Variants in KICS2 observed in about 807,000 individuals in gnomAD.
KICS2 encodes KICSTOR complex protein C12orf66.
Under a neutral mutation model 31.4 loss-of-function variants are expected in KICS2, and 13 were observed. The observed-to-expected ratio is 0.41, with a 90% CI of 0.27 to 0.66. The LOEUF is 0.66. KICS2 is among the 30% of genes least tolerant of loss of function. KICS2 has a pLI of 0.28. For missense variants in KICS2, 455 were observed against 545.4 expected (o/e 0.83, Z 1.65); for synonymous variants, 209 against 214.8 (o/e 0.97, Z 0.24).
intron 1 of KICS2, chr12:64,221,745 A>G (rs1326281800): frequency 1.8e-6 from 1 of 566,580 alleles, no homozygotes; most frequent in Non-Finnish European, 3.1e-6. Flanking sequence ...ACGAGGCAAA[A>G]GGGCAAACCC....
intron 1 of KICS2, among the ~76,000 whole-genome samples, chr12:64,216,895 A>C (rs2037634291): frequency 6.6e-6 from 1 of 151,970 alleles, no homozygotes; most frequent in Non-Finnish European, 1.5e-5. Flanking sequence ...GAAAATGAAA[A>C]GAAAAAAAGA....
intron 1 of KICS2, among the ~76,000 whole-genome samples, chr12:64,219,578 T>C (rs1001574973): frequency 1.3e-5 from 2 of 152,110 alleles, no homozygotes; most frequent in Non-Finnish European, 2.9e-5. Context: ...AAGACTCCCT[T>C]TTTACTTGAA....
rs2037623315 is a variant in KICS2 at position 64,215,839 on chromosome 12, T to C, written c.360A>G (p.Glu120=). 4 of 1,613,646 alleles carry C rather than the reference T, an allele frequency of 2.5e-6. No homozygotes were observed. The East Asian group carries it at 8.9e-5, about 36-fold the overall frequency. Residue 120 remains glutamate, a synonymous_variant, in exon 2 of 3, where the codon GAA becomes GAG. Transcript: ENST00000398055. ...ALGGTAPHVE[E]LLSHLSEQLC... ...GCTGCTCTGACAGGTGGGAAAGGAG[T>C]TCTTCCACGTGAGGAGCAGTCCCAC...
At chr12:64,217,836 A>G (rs756277314) in intron 1 of KICS2, among the ~76,000 whole-genome samples, 7 of 151,516 alleles carry the variant, frequency 4.6e-5, no homozygotes, top group Non-Finnish European at 1.0e-4. Context: ...GAAAAGAAAG[A>G]AGGAAGGAAG....
chr12:64,194,699 T>C, intron 2 of KICS2, 41 bp from the exon 3 acceptor site: 1 of 1,542,042 alleles, frequency 6.5e-7, no homozygotes, highest in Admixed American at 2.0e-5. Context: ...GAAATGTTAC[T>C]TCACTTGCCA....
chr12:64,206,643 C>T (rs896049054), intron 2 of KICS2, among the ~76,000 whole-genome samples: 1 of 152,092 alleles, frequency 6.6e-6, no homozygotes. Flanking sequence ...AACTCCAATG[C>T]CCATTGACAA....
intron 2 of KICS2, among the ~76,000 whole-genome samples, chr12:64,205,115 G>C (rs576294078): frequency 6.6e-6 from 1 of 152,242 alleles, no homozygotes; most frequent in South Asian, 2.1e-4. Context: ...CAGGATTAAT[G>C]ACATGAAATT....
At position 64,195,654 on chromosome 12, in the gene KICS2, G is replaced by C. The variant is rs576111241; in HGVS notation, c.522-996C>G. ...TACAGCTCCCAGCATGAGCAACGCA[G>C]AAGACGGGTGATTTCTGCATTTCCA... On this transcript the variant is annotated intron_variant, in intron 2 of 2. Coordinates refer to ENST00000398055, the MANE Select transcript of KICS2 (RefSeq NM_152440.5). Among the ~76,000 whole-genome samples the C allele has an allele frequency of 1.2e-4, 18 of 152,360 alleles. No individual in the cohort carries two copies. In the South Asian group the frequency reaches 3.7e-3, roughly 32 times the overall value.
chr12:64,216,100 T>C (rs550795255), intron 1 of KICS2, 137 bp from the exon 2 acceptor site: 2 of 678,020 alleles, frequency 2.9e-6, no homozygotes, highest in Admixed American at 3.0e-5. Flanking sequence ...TCTCTGTCTA[T>C]GATTGAGATA....
At chr12:64,221,156 A>G (rs1018112424) in intron 1 of KICS2, among the ~76,000 whole-genome samples, 4 of 151,894 alleles carry the variant, frequency 2.6e-5, no homozygotes, top group African/African-American at 9.7e-5. Flanking sequence ...TTACATTTCT[A>G]TTCTCTGTAT....
intron 2 of KICS2, among the ~76,000 whole-genome samples, chr12:64,208,206 G>A (rs145442657): frequency 9.2e-5 from 14 of 152,196 alleles, no homozygotes; most frequent in African/African-American, 3.1e-4. Flanking sequence ...ATGGAGTTTC[G>A]CCATGTTGGC....
chr12:64,187,491 C>A, downstream of KICS2: 1 of 736,454 alleles, frequency 1.4e-6, no homozygotes, highest in Non-Finnish European at 2.2e-6. Flanking sequence ...AATATGCAGA[C>A]AAGGCATTAA....
rs532855325 is a variant in KICS2 at position 64,191,669 on chromosome 12, A to C, written c.*2173T>G. On this transcript the variant is annotated 3_prime_UTR_variant, in exon 3 of 3. Transcript: ENST00000398055. ...TTCTTAGGTAAGGTCAATGTTGTAA[A>C]ATCTGCTGAGACTTTTTTTATAGAA... The C allele has an allele frequency of 6.6e-6, 1 of 152,318 alleles. No homozygotes were observed. Among genetic ancestry groups the C allele is most frequent in the East Asian group, 1.9e-4 (1 of 5,188 alleles). The allele number at this position is 152,318 out of a possible 1,614,324, so 9.4% of individuals were successfully genotyped here. A position where few individuals can be genotyped will look rare whatever the true frequency, so the allele number is the denominator to read the frequency against.
In KICS2 at chr12:64,192,075, C is replaced by T. The variant is rs1467514823; in HGVS notation, c.*1767G>A. On this transcript the variant is annotated 3_prime_UTR_variant, in exon 3 of 3. Coordinates refer to ENST00000398055, the MANE Select transcript of KICS2 (RefSeq NM_152440.5). ...AAAAAAAAAAAAAAAAGGAAAAACA[C>T]ATGTTCTTCCCAGAAAATAAAAAAT... is the stretch of plus-strand genomic sequence containing the variant. 1 of 141,494 alleles carries T rather than the reference C, an allele frequency of 7.1e-6. No individual in the cohort carries two copies. The allele number at this position is 141,494 out of a possible 1,614,324, so 8.8% of individuals were successfully genotyped here.
Position 64,194,462 on chromosome 12 carries a change from G to A in KICS2, c.718C>T (p.Leu240=). 6.2e-7 allele frequency: 1 copy of A among 1,614,230 alleles called. No individual in the cohort carries two copies. The highest frequency in any genetic ancestry group is 1.1e-5 in the South Asian group (1 of 91,088). The change falls in exon 3 of 3, where the codon CTG becomes TTG. Residue 240 remains leucine, a synonymous_variant. Coordinates refer to ENST00000398055, the MANE Select transcript of KICS2 (RefSeq NM_152440.5). The part of the protein sequence containing the change: ...FEKQRETKKH[L]FGGQSQKAVQ... The stretch of plus-strand genomic sequence containing the variant: ...GCCTTCTGAGACTGCCCTCCAAACA[G>A]ATGTTTCTTGGTCTCCCGCTGTTTC...
chr12:64,218,664 A>G (rs1415823831), intron 1 of KICS2, among the ~76,000 whole-genome samples: 2 of 151,988 alleles, frequency 1.3e-5, no homozygotes, highest in Admixed American at 6.6e-5. Flanking sequence ...TTTTAACTTC[A>G]CATTGAAAAA....
intron 2 of KICS2, among the ~76,000 whole-genome samples, chr12:64,204,353 C>A (rs186167855): frequency 5.3e-5 from 8 of 151,934 alleles, no homozygotes; most frequent in South Asian, 2.1e-4. Context: ...GCACATGTAC[C>A]CCAGAACTCA....
intron 1 of KICS2, among the ~76,000 whole-genome samples, chr12:64,219,043 A>T (rs1394290496): frequency 6.6e-6 from 1 of 152,230 alleles, no homozygotes; most frequent in Non-Finnish European, 1.5e-5. Context: ...AATTTAAAAA[A>T]TATGATTACT....
At chr12:64,213,937 T>G (rs2037605244) in intron 2 of KICS2, among the ~76,000 whole-genome samples, 1 of 152,194 alleles carries the variant, frequency 6.6e-6, no homozygotes, top group Non-Finnish European at 1.5e-5. Flanking sequence ...ACTTATAGAC[T>G]TCTTGTCAGC....
Sources: gnomAD v4.1 joint callset for allele counts (sites outside exome capture counted in the v4.1 genomes callset) on GRCh38, gnomAD v4.1.1 for gene constraint, MANE v1.5 for transcripts, NCBI Gene and HGNC (gene_info 2026-07-23, HGNC 2026-07-21) for gene names.